Variants in GRID2 observed in about 807,000 individuals in gnomAD.
GRID2 encodes the protein glutamate receptor ionotropic, delta-2.
In GRID2, 33 loss-of-function variants were observed where a neutral mutation model predicts 114.8. The ratio of observed to expected loss-of-function variants is 0.29; its 90% CI spans 0.22 to 0.38. GRID2 has a LOEUF of 0.38. Among genes scored for constraint, GRID2 ranks in the 10% least tolerant of loss-of-function variants. The probability of loss-of-function intolerance (pLI) is 1.00; values close to 1 mark genes in which losing one functional copy is unlikely to be tolerated. For missense variants in GRID2, 1,184 were observed against 1,257.7 expected (o/e 0.94, Z 0.89); for synonymous variants, 505 against 449.9 (o/e 1.12, Z -1.55).
intron 4 of GRID2, among the ~76,000 whole-genome samples, chr4:93,135,029 T>C (rs964482523): frequency 2.6e-5 from 4 of 152,170 alleles, no homozygotes; most frequent in African/African-American, 9.6e-5. Flanking sequence ...TACTGTGCAA[T>C]CATACATTCA....
intron 1 of GRID2, among the ~76,000 whole-genome samples, chr4:92,502,710 T>C (rs919122731): frequency 6.7e-5 from 5 of 74,960 alleles, no homozygotes; most frequent in South Asian, 9.9e-4. Context: ...GATTTCTTTT[T>C]TTTTTTTTTT....
chr4:93,629,927 T>C (rs1743090441), intron 14 of GRID2, among the ~76,000 whole-genome samples: 1 of 152,202 alleles, frequency 6.6e-6, no homozygotes. Context: ...TGCTTATTAG[T>C]GCATGACTGC....
chr4:93,115,511 C>T (rs1733157979), intron 4 of GRID2, among the ~76,000 whole-genome samples: 1 of 151,876 alleles, frequency 6.6e-6, no homozygotes, highest in African/African-American at 2.4e-5. Context: ...CTAGATCATT[C>T]TATTGAGACA....
At chr4:92,593,015 T>C (rs1309374148) in intron 2 of GRID2, among the ~76,000 whole-genome samples, 1 of 152,024 alleles carries the variant, frequency 6.6e-6, no homozygotes, top group Non-Finnish European at 1.5e-5. Flanking sequence ...AAACTTGTAT[T>C]GAGAGGGACT....
chr4:92,919,306 CT>C (rs1379978323), intron 2 of GRID2, among the ~76,000 whole-genome samples: 13 of 152,098 alleles, frequency 8.5e-5, no homozygotes, highest in African/African-American at 3.1e-4. Flanking sequence ...AAACCAGCTC[CT>C]GGATTCATTG....
intron 1 of GRID2, among the ~76,000 whole-genome samples, chr4:92,485,672 A>G (rs1722850730): frequency 6.6e-6 from 1 of 151,960 alleles, no homozygotes; most frequent in South Asian, 2.1e-4. Context: ...CCTGGGCGAC[A>G]GAATGAGACT....
rs552996710 is a variant in GRID2 at position 93,205,970 on chromosome 4, CTGTT to C, written c.736-1433_736-1430del. 2.0e-3 allele frequency among the ~76,000 whole-genome samples: 311 copies of C among 152,162 alleles called. 1 individual carries two copies. The highest frequency in any genetic ancestry group is 7.1e-3 in the African/African-American group (296 of 41,510). On this transcript the variant is annotated intron_variant, in intron 4 of 15. Coordinates refer to ENST00000282020, the MANE Select transcript of GRID2 (RefSeq NM_001510.4). ...ATAAATGTCTTATTTTGAGAAGTGTCTGTTCATATCCTTCGCTCACTTCACACCA... is the reference window on the plus strand; with the variant it reads ...ATAAATGTCTTATTTTGAGAAGTGTCCATATCCTTCGCTCACTTCACACCA...
intron 13 of GRID2, among the ~76,000 whole-genome samples, chr4:93,625,372 A>T (rs1742608810): frequency 6.6e-6 from 1 of 152,150 alleles, no homozygotes; most frequent in South Asian, 2.1e-4. Context: ...GACATTTTCC[A>T]CTCAGGGGTC....
chr4:93,163,356 G>GTATATA (rs57285537), intron 4 of GRID2, among the ~76,000 whole-genome samples: 50 of 56,206 alleles, frequency 8.9e-4, no homozygotes, highest in South Asian at 2.1e-3. Context: ...TTTTTTTTGT[G>GTATATA]TATATATATA....
chr4:92,721,955 G>A lies in GRID2; in HGVS notation c.244+131669G>A, dbSNP rs191195605. 1.8e-3 allele frequency among the ~76,000 whole-genome samples: 278 copies of A among 152,248 alleles called. 2 individuals are homozygous for A. The highest frequency in any genetic ancestry group is 6.2e-3 in the African/African-American group (259 of 41,550). Reference sequence around the variant, plus strand: ...AATTTGAAGGTCTAATACAAACTGGGTTGAATCCTTGTATCTCTATCACCT... The same window carrying A: ...AATTTGAAGGTCTAATACAAACTGGATTGAATCCTTGTATCTCTATCACCT... On this transcript the variant is annotated intron_variant, in intron 2 of 15. Transcript: ENST00000282020.
intron 1 of GRID2, among the ~76,000 whole-genome samples, chr4:92,485,841 T>A (rs1722860569): frequency 6.6e-6 from 1 of 152,154 alleles, no homozygotes; most frequent in African/African-American, 2.4e-5. Context: ...TGACATAAAA[T>A]TTTACATAAA....
chr4:93,378,395 C>T (rs1286442582), intron 8 of GRID2, among the ~76,000 whole-genome samples: 1 of 151,928 alleles, frequency 6.6e-6, no homozygotes, highest in Non-Finnish European at 1.5e-5. Context: ...AAATCTATAT[C>T]CTATAAGGAA....
chr4:92,634,992 C>T (rs1456222071), intron 2 of GRID2, among the ~76,000 whole-genome samples: 4 of 152,002 alleles, frequency 2.6e-5, no homozygotes, highest in Non-Finnish European at 5.9e-5. Flanking sequence ...CAGATCTTCT[C>T]AGCTCTGACC....
chr4:93,367,799 G>A (rs1260794554), intron 8 of GRID2, among the ~76,000 whole-genome samples: 1 of 152,150 alleles, frequency 6.6e-6, no homozygotes, highest in Non-Finnish European at 1.5e-5. Context: ...GTTGATTAAT[G>A]TCAGTGAACT....
At chr4:93,779,917 G>A (rs190597566) in intron 1 of GRID2, among the ~76,000 whole-genome samples, 6 of 152,288 alleles carry the variant, frequency 3.9e-5, no homozygotes, top group Non-Finnish European at 4.4e-5. Context: ...GCTGAAGAGA[G>A]AACACTACAT....
chr4:93,277,466 C>T (rs939908631), intron 8 of GRID2, among the ~76,000 whole-genome samples: 21 of 151,426 alleles, frequency 1.4e-4, no homozygotes, highest in Middle Eastern at 3.4e-3. Flanking sequence ...GACTTTCCAT[C>T]GTCTTATTGT....
At chr4:93,265,298 G>A (rs1170222326) in intron 8 of GRID2, among the ~76,000 whole-genome samples, 3 of 152,054 alleles carry the variant, frequency 2.0e-5, no homozygotes, top group East Asian at 1.9e-4. Context: ...TTGGAGGCAG[G>A]TGCTGTCTTT....
chr4:92,914,654 A>C (rs1367864854), intron 2 of GRID2, among the ~76,000 whole-genome samples: 2 of 152,076 alleles, frequency 1.3e-5, no homozygotes, highest in Non-Finnish European at 2.9e-5. Context: ...CCCACTTGTA[A>C]GTGTGAACAT....
chr4:92,449,676 GATATATATATATAT>G (rs371209786), intron 1 of GRID2, among the ~76,000 whole-genome samples: 14 of 96,746 alleles, frequency 1.4e-4, no homozygotes, highest in South Asian at 3.7e-4. Context: ...TTTTCTTACT[GATATATATATATAT>G]ATATATATAT....
Sources: gnomAD v4.1 joint callset for allele counts (sites outside exome capture counted in the v4.1 genomes callset) on GRCh38, gnomAD v4.1.1 for gene constraint, MANE v1.5 for transcripts, NCBI Gene and HGNC (gene_info 2026-07-23, HGNC 2026-07-21) for gene names.